EFCAB5: variants seen among roughly 807,000 people sequenced by gnomAD.
EFCAB5 encodes the protein EF-hand calcium binding domain 5.
A neutral mutation model predicts 167.9 loss-of-function variants in EFCAB5; 131 were observed. The observed-to-expected ratio is 0.78, with a 90% CI of 0.68 to 0.90. The LOEUF (loss-of-function observed/expected upper bound fraction) is 0.90, where lower values mean the gene tolerates loss of function less well. Ranked by LOEUF, EFCAB5 falls within the 40% of genes least tolerant of loss-of-function variation. EFCAB5 has a pLI of 0.00. For missense variants in EFCAB5, 1,663 were observed against 1,745.2 expected (o/e 0.95, Z 0.84); for synonymous variants, 574 against 602.8 (o/e 0.95, Z 0.70).
chr17:30,074,180 G>A (rs1165631661), intron 14 of EFCAB5: 1 of 152,106 alleles, frequency 6.6e-6, no homozygotes, highest in Non-Finnish European at 1.5e-5. Flanking sequence ...GCCCAAGCTG[G>A]AGTGTAGTGG....
chr17:30,105,410 C>T (rs1452465961), intron 22 of EFCAB5, among the ~76,000 whole-genome samples: 1 of 152,108 alleles, frequency 6.6e-6, no homozygotes, highest in African/African-American at 2.4e-5. Flanking sequence ...TCGCTTGAAC[C>T]CAGGAGACGG....
intron 7 of EFCAB5, among the ~76,000 whole-genome samples, chr17:30,008,688 T>C (rs559580745): frequency 2.7e-4 from 41 of 152,232 alleles, no homozygotes; most frequent in African/African-American, 9.4e-4. Context: ...TAATAGAATA[T>C]ATAAAAATAT....
chr17:30,065,087 GA>G (rs2070527779), intron 14 of EFCAB5, among the ~76,000 whole-genome samples: 1 of 152,150 alleles, frequency 6.6e-6, no homozygotes, highest in Non-Finnish European at 1.5e-5. Context: ...ATCTGGAAGT[GA>G]AAATATGATA....
intron 17 of EFCAB5, among the ~76,000 whole-genome samples, chr17:30,082,390 CTT>C (rs71138871): frequency 7.7e-4 from 76 of 98,248 alleles, no homozygotes; most frequent in African/African-American, 2.7e-3. Flanking sequence ...CTTTATACCT[CTT>C]TTTTTTTTTT....
intron 12 of EFCAB5, among the ~76,000 whole-genome samples, 186 bp downstream of exon 12, chr17:30,056,342 T>C (rs904637534): frequency 2.6e-5 from 4 of 152,234 alleles, no homozygotes; most frequent in African/African-American, 9.6e-5. Flanking sequence ...GGTGATGTAC[T>C]ATTGATGGTG....
intron 18 of EFCAB5, among the ~76,000 whole-genome samples, chr17:30,086,421 C>T (rs947488576): frequency 2.6e-5 from 4 of 151,976 alleles, no homozygotes; most frequent in African/African-American, 9.7e-5. Context: ...AGAAGGAGAA[C>T]CAGGAGAGAG....
At chr17:29,976,613 C>G (rs2068068564) in intron 4 of EFCAB5, among the ~76,000 whole-genome samples, 1 of 152,120 alleles carries the variant, frequency 6.6e-6, no homozygotes, top group Non-Finnish European at 1.5e-5. Context: ...CAGAACTATA[C>G]CATTGTTTGT....
chr17:30,010,632 G>A (rs1477696189), intron 7 of EFCAB5, among the ~76,000 whole-genome samples: 3 of 152,074 alleles, frequency 2.0e-5, no homozygotes, highest in African/African-American at 7.2e-5. Context: ...CATATCCTTT[G>A]CCCACTTTTT....
intron 4 of EFCAB5, among the ~76,000 whole-genome samples, chr17:29,972,192 C>T (rs2067968253): frequency 6.8e-6 from 1 of 146,966 alleles, no homozygotes; most frequent in African/African-American, 2.5e-5. Flanking sequence ...CACCCGCCAC[C>T]ACGCCCGGCT....
intron 8 of EFCAB5, among the ~76,000 whole-genome samples, chr17:30,046,371 G>T (rs1385170952): frequency 6.6e-6 from 1 of 152,116 alleles, no homozygotes; most frequent in African/African-American, 2.4e-5. Flanking sequence ...GTTATCAGTG[G>T]GTGGGCTTCA....
Position 29,993,047 on chromosome 17 carries a change from G to A in EFCAB5, c.768-118G>A, listed in dbSNP as rs2068456942. On this transcript the variant is annotated intron_variant, in intron 4 of 22. Transcript: ENST00000394835. ...GGGCTCACTACAGGCCTGAATCAAA[G>A]ATTTTATGGAGAAAAGACAGGCAAA... 3 of 1,107,818 alleles carry A rather than the reference G, an allele frequency of 2.7e-6. No individual in the cohort carries two copies. The East Asian group carries it at 8.3e-5, about 31-fold the overall frequency. The allele number at this position is 1,107,818 out of a possible 1,614,324, so 68.6% of individuals were successfully genotyped here.
intron 14 of EFCAB5, among the ~76,000 whole-genome samples, chr17:30,071,652 C>T (rs527450858): frequency 6.6e-6 from 1 of 152,072 alleles, no homozygotes; most frequent in East Asian, 1.9e-4. Context: ...AAGTATATAT[C>T]CAAAAGAAAG....
chr17:29,960,520 T>C (rs571420423), intron 3 of EFCAB5, among the ~76,000 whole-genome samples: 1 of 152,330 alleles, frequency 6.6e-6, no homozygotes, highest in African/African-American at 2.4e-5. Flanking sequence ...GGTTGTTTGG[T>C]GCACCTATCA....
rs199991261 is a variant in EFCAB5, at chr17:30,055,966, G to A, written c.2272+1G>A. 2 of 1,613,692 alleles carry A rather than the reference G, an allele frequency of 1.2e-6. No homozygotes were observed. Among genetic ancestry groups the A allele is most frequent in the Non-Finnish European group, 1.7e-6 (2 of 1,179,748 alleles). On this transcript the variant is annotated splice_donor_variant, in intron 11 of 22. Transcript: ENST00000394835. LOFTEE classifies it high-confidence loss of function. ...AAAATAGAAGGAAAGTCATGGTCAG[G>A]TAACTCCTCATTTAATCCTCCTTTC...
intron 14 of EFCAB5, among the ~76,000 whole-genome samples, chr17:30,062,436 C>T (rs2070449953): frequency 6.6e-6 from 1 of 152,158 alleles, no homozygotes. Flanking sequence ...CCAGCAACCC[C>T]CATTGACACC....
chr17:29,971,485 T>A (rs1004313695), intron 4 of EFCAB5, among the ~76,000 whole-genome samples: 2 of 152,218 alleles, frequency 1.3e-5, no homozygotes, highest in African/African-American at 4.8e-5. Context: ...GGGCAGTTTT[T>A]ATATTACTAG....
Position 30,092,085 on chromosome 17 carries a change from G to A in EFCAB5, c.4152G>A (p.Lys1384=), listed in dbSNP as rs1244132550. ...ANVKLVRDIL[K]AVILFFHPEL... is the part of the protein sequence containing the mutation. ...TGAAACTAGTGCGTGACATCCTGAA[G>A]GCGGTTATCTTGTTCTTTCATCCAG... Residue 1384 remains lysine, a synonymous_variant, in exon 21 of 23, where the codon AAG becomes AAA. Coordinates refer to ENST00000394835, the MANE Select transcript of EFCAB5 (RefSeq NM_198529.4). The A allele has an allele frequency of 6.2e-6, 10 of 1,613,964 alleles. No individual in the cohort carries two copies. In the East Asian group the frequency reaches 2.0e-4, roughly 32 times the overall value.
rs5819879 is a variant in EFCAB5, at chr17:30,104,551, C to CA, written c.4322-3272dup. ...TACTATACACTTTTCCAAAGCAAAG[C>CA]AAAAAAAAAAAGCGTTATTTCTATG... On this transcript the variant is annotated intron_variant, in intron 22 of 22. Transcript: ENST00000394835. Among the ~76,000 whole-genome samples, 584 of 145,956 alleles carry CA rather than the reference C, an allele frequency of 4.0e-3. 3 individuals carry two copies. Among genetic ancestry groups the CA allele is most frequent in the Non-Finnish European group, 5.3e-3 (347 of 65,564 alleles).
Position 30,092,131 on chromosome 17 carries a change from T to C in EFCAB5, c.4198T>C (p.Phe1400Leu). The change falls in exon 21 of 23, where the codon TTT becomes CTT. Residue 1400 changes from phenylalanine to leucine, a missense_variant. Phe to Leu is a conservative substitution (Grantham distance 22). Coordinates refer to ENST00000394835, the MANE Select transcript of EFCAB5 (RefSeq NM_198529.4). ...FHPELEFSSD[F>L]GSWDKCKFYV... ...TCCAGAGTTGGAATTTTCAAGTGAC[T>C]TTGGAAGTTGGGATAAGTGTAAATT... 6.2e-7 allele frequency: 1 copy of C among 1,613,458 alleles called. No individual in the cohort carries two copies. The highest frequency in any genetic ancestry group is 8.5e-7 in the Non-Finnish European group (1 of 1,179,478).
Sources: allele counts gnomAD v4.1 joint callset (sites outside exome capture counted in the v4.1 genomes callset), GRCh38; gene constraint gnomAD v4.1.1; transcripts MANE v1.5; gene names NCBI Gene and HGNC (gene_info 2026-07-23, HGNC 2026-07-21).